Variants in AGAP1 observed in about 807,000 individuals in gnomAD.
AGAP1 encodes ArfGAP with GTPase domain, ankyrin repeat and PH domain 1, also known as arf-GAP with GTPase, ANK repeat and PH domain-containing protein 1.
In AGAP1, 29 loss-of-function variants were observed where a neutral mutation model predicts 105.3. The ratio of observed to expected loss-of-function variants is 0.28; its 90% confidence interval spans 0.21 to 0.38. The LOEUF is 0.38. Ranked by LOEUF, AGAP1 falls within the 10% of genes least tolerant of loss-of-function variation. The pLI is 1.00. For synonymous variants in AGAP1, 509 were observed against 485.9 expected, an observed-to-expected ratio of 1.05 and a Z score of -0.63; for missense variants, 998 against 1,165.1, an observed-to-expected ratio of 0.86 and a Z score of 2.09.
chr2:235,509,088 G>C (rs559759227), intron 1 of AGAP1, among the ~76,000 whole-genome samples: 2 of 152,362 alleles, frequency 1.3e-5, no homozygotes, highest in Non-Finnish European at 2.9e-5. Flanking sequence ...GATTTACCTA[G>C]AGGGTGGTGT....
intron 1 of AGAP1, among the ~76,000 whole-genome samples, chr2:235,515,147 T>C (rs1942326870): frequency 6.6e-6 from 1 of 152,206 alleles, no homozygotes; most frequent in Admixed American, 6.5e-5. Flanking sequence ...CTGTGGTAAG[T>C]TGACTCTTTG....
chr2:235,939,606 T>C (rs1323285452), intron 12 of AGAP1, among the ~76,000 whole-genome samples: 3 of 151,064 alleles, frequency 2.0e-5, no homozygotes, highest in Non-Finnish European at 4.4e-5. Context: ...CACATTCTCT[T>C]CAACCCTCTC....
At chr2:236,041,450 A>G (rs551689515) in intron 15 of AGAP1, among the ~76,000 whole-genome samples, 2 of 152,118 alleles carry the variant, frequency 1.3e-5, no homozygotes, top group South Asian at 4.2e-4. Flanking sequence ...AGAAGTTGTA[A>G]TTACTGCTTT....
rs1214373568 is a variant in AGAP1, at chr2:236,036,914, T to C, written c.1800+199T>C. The stretch of plus-strand genomic sequence containing the variant: ...ACCATCATACATGAGTATTCCAGCC[T>C]GACCGTGCTTCCCTGGCAGGAGAGC... On this transcript the variant is annotated intron_variant, in intron 14 of 17. Transcript: ENST00000304032. This position sits in a 1 kb window ranked among gnomAD's most constrained non-coding sequence, Gnocchi z 5.7. Among the ~76,000 whole-genome samples, 1 of 152,230 alleles carries C rather than the reference T, an allele frequency of 6.6e-6. No homozygotes were observed. The highest frequency in any genetic ancestry group is 1.5e-5 in the Non-Finnish European group (1 of 68,038).
At position 236,078,128 on chromosome 2, in the gene AGAP1, T is replaced by C. The variant is rs557888586; in HGVS notation, c.2114+28847T>C. Among the ~76,000 whole-genome samples, 21 of 149,372 alleles carry C rather than the reference T, an allele frequency of 1.4e-4. 1 individual carries two copies. The South Asian group carries it at 4.3e-3, about 31-fold the overall frequency. ...GGTGTGTGTGTGCATGTGTGTAATC[T>C]GAAGTGTGTAGGGCAGGCCAGCCGG... On this transcript the variant is annotated intron_variant, in intron 16 of 17. Coordinates refer to ENST00000304032, the MANE Select transcript of AGAP1 (RefSeq NM_001037131.3). The surrounding 1 kb of genome is among the most constrained non-coding windows in gnomAD (Gnocchi z 5.3).
At chr2:235,619,244 C>T (rs903009913) in intron 1 of AGAP1, among the ~76,000 whole-genome samples, 2 of 152,168 alleles carry the variant, frequency 1.3e-5, no homozygotes, top group Admixed American at 1.3e-4. Flanking sequence ...AAGGACAGGG[C>T]GATCCCCACT....
Position 236,012,222 on chromosome 2 carries a change from G to T in AGAP1, c.1646-24339G>T, listed in dbSNP as rs115636608. On this transcript the variant is annotated intron_variant, in intron 13 of 17. Transcript: ENST00000304032. The surrounding 1 kb of genome is among the most constrained non-coding windows in gnomAD (Gnocchi z 4.9). ...TCCTGTGGTAATGGGAGAGCAGAGT[G>T]TGAAAAATGGAAGGCATAAAGCGGG... Among the ~76,000 whole-genome samples, 111 of 152,210 alleles carry T rather than the reference G, an allele frequency of 7.3e-4. No individual in the cohort carries two copies. Among genetic ancestry groups the T allele is most frequent in the African/African-American group, 2.5e-3 (105 of 41,538 alleles).
intron 13 of AGAP1, among the ~76,000 whole-genome samples, chr2:235,972,611 G>A (rs1003230209): frequency 1.3e-5 from 2 of 152,142 alleles, no homozygotes; most frequent in Non-Finnish European, 2.9e-5. Context: ...AGGTGAGGGT[G>A]TCCTCACTCT....
In AGAP1 at chr2:235,604,983, C is replaced by T. The variant is rs138264010; in HGVS notation, c.164-104196C>T. On this transcript the variant is annotated intron_variant, in intron 1 of 17. Transcript: ENST00000304032. ...GCAACTTCTGTCTCCCAGGTTTAAG[C>T]GATTCTCGTGCCTCAGCCTCCCAAG... Among the ~76,000 whole-genome samples, 129 of 152,084 alleles carry T rather than the reference C, an allele frequency of 8.5e-4. 2 individuals carry two copies. Among genetic ancestry groups the T allele is most frequent in the African/African-American group, 2.4e-3 (99 of 41,508 alleles).
rs1952007781 is a variant in AGAP1 at position 235,732,470 on chromosome 2, C to G, written c.311-8493C>G. On this transcript the variant is annotated intron_variant, in intron 3 of 17. Coordinates refer to ENST00000304032, the MANE Select transcript of AGAP1 (RefSeq NM_001037131.3). The surrounding 1 kb of genome is among the most constrained non-coding windows in gnomAD (Gnocchi z 4.8). ...TGGAGGTTCTCGTCTCCTGGAATGG[C>G]TGTTCTTTCTTAAGTCACACTGGAG... Among the ~76,000 whole-genome samples, 2 of 152,154 alleles carry G rather than the reference C, an allele frequency of 1.3e-5. No homozygotes were observed. Among genetic ancestry groups the G allele is most frequent in the African/African-American group, 4.8e-5 (2 of 41,428 alleles).
In AGAP1 at chr2:235,744,929, A is replaced by G. The variant is rs953831316; in HGVS notation, c.538+90A>G. The stretch of plus-strand genomic sequence containing the variant: ...AGGAGTTTAAAAAATGCTTTAAAGA[A>G]GGAAAAATTGCCTACTGAACGCTCA... On this transcript the variant is annotated intron_variant, in intron 5 of 17. Coordinates refer to ENST00000304032, the MANE Select transcript of AGAP1 (RefSeq NM_001037131.3). This position sits in a 1 kb window ranked among gnomAD's most constrained non-coding sequence, Gnocchi z 5.2. The G allele has an allele frequency of 3.4e-6, 5 of 1,492,032 alleles. No homozygotes were observed. The highest frequency in any genetic ancestry group is 4.5e-6 in the Non-Finnish European group (5 of 1,105,242). 92.4% of individuals were successfully genotyped at this position (1,492,032 alleles called of 1,614,324 possible). A position where few individuals can be genotyped will look rare whatever the true frequency, so the allele number is the denominator to read the frequency against.
chr2:235,565,668 T>C (rs1284087278), intron 1 of AGAP1, among the ~76,000 whole-genome samples: 6 of 152,210 alleles, frequency 3.9e-5, no homozygotes, highest in Admixed American at 2.6e-4. Context: ...AAAGACTTTT[T>C]GTATTTTTTT....
chr2:235,783,372 T>C (rs1172401701), intron 6 of AGAP1: 1 of 471,454 alleles, frequency 2.1e-6, no homozygotes, highest in South Asian at 1.5e-5. Flanking sequence ...TGTTCCTTGC[T>C]CATCCTTGGC....
chr2:235,561,888 G>C (rs943650132), intron 1 of AGAP1, among the ~76,000 whole-genome samples: 2 of 152,080 alleles, frequency 1.3e-5, no homozygotes, highest in African/African-American at 2.4e-5. Context: ...TTCCCAGTTG[G>C]ACTTCTGTCA....
At chr2:235,935,246 G>A (rs1223792191) in intron 12 of AGAP1, among the ~76,000 whole-genome samples, 2 of 152,118 alleles carry the variant, frequency 1.3e-5, no homozygotes, top group East Asian at 3.9e-4. Context: ...TCGGTTGAGG[G>A]TTTCAAATTG....
chr2:235,892,509 T>G, intron 10 of AGAP1, among the ~76,000 whole-genome samples: 1 of 151,948 alleles, frequency 6.6e-6, no homozygotes, highest in East Asian at 1.9e-4. Flanking sequence ...CCCACTTCTT[T>G]ACTGATGTAA....
intron 1 of AGAP1, among the ~76,000 whole-genome samples, chr2:235,699,951 A>G (rs1187900640): frequency 6.6e-6 from 1 of 152,084 alleles, no homozygotes; most frequent in African/African-American, 2.4e-5. Flanking sequence ...TGTTGGGGGA[A>G]CGGCCTGTTT....
chr2:235,687,067 A>T (rs1436493331), intron 1 of AGAP1, among the ~76,000 whole-genome samples: 1 of 152,116 alleles, frequency 6.6e-6, no homozygotes, highest in African/African-American at 2.4e-5. Flanking sequence ...TGCTCACTTG[A>T]CATGCAGATT....
At chr2:236,102,247 T>TCACC (rs1559277438) in intron 16 of AGAP1, among the ~76,000 whole-genome samples, 4 of 151,412 alleles carry the variant, frequency 2.6e-5, no homozygotes, top group Non-Finnish European at 5.9e-5. Flanking sequence ...GAAACCCTGT[T>TCACC]TCTACTAAAA....
Sources: allele counts gnomAD v4.1 joint callset (sites outside exome capture counted in the v4.1 genomes callset), GRCh38; gene constraint gnomAD v4.1.1; non-coding constraint Gnocchi (gnomAD v3.1); transcripts MANE v1.5; gene names NCBI Gene and HGNC (gene_info 2026-07-23, HGNC 2026-07-21).